Variants in CACNA1B observed in about 807,000 individuals in gnomAD.
CACNA1B encodes the protein voltage-dependent N-type calcium channel subunit alpha-1B.
A neutral mutation model predicts 247.2 loss-of-function variants in CACNA1B; 70 were observed. The ratio of observed to expected loss-of-function variants is 0.28; its 90% CI spans 0.23 to 0.35. CACNA1B has a LOEUF of 0.35. Ranked by LOEUF, CACNA1B falls within the 10% of genes least tolerant of loss-of-function variation. CACNA1B has a pLI of 1.00. For synonymous variants in CACNA1B, 1,231 were observed against 1,294.4 expected (o/e 0.95, Z 1.05); for missense variants, 2,367 against 3,197.4 (o/e 0.74, Z 6.26).
rs116170058 is a variant in CACNA1B at position 138,105,730 on chromosome 9, A to G, written c.5351A>G (p.Asn1784Ser). Reference protein sequence around the residue: ...RLVRMNMPISNEDMTVHFTST... With the variant: ...RLVRMNMPISSEDMTVHFTST... ...GTTCGCATGAACATGCCCATCTCCA[A>G]CGAGGACATGACTGTTCACTTCACG... The change falls in exon 39 of 47, where the codon AAC becomes AGC. Residue 1784 changes from asparagine (N) to serine (S), a missense_variant. Asn to Ser is a conservative substitution (Grantham distance 46). Around this residue, in one of 12 missense-constraint regions of CACNA1B, gnomAD observed 773 missense variants for 779.4 expected, o/e 0.99. Transcript: ENST00000371372. 79 of 1,564,192 alleles carry G rather than the reference A, an allele frequency of 5.1e-5. No individual in the cohort carries two copies. The highest frequency in any genetic ancestry group is 6.2e-5 in the Non-Finnish European group (72 of 1,155,112).
chr9:138,113,152 C>T (rs540820398), intron 40 of CACNA1B, among the ~76,000 whole-genome samples: 101 of 144,174 alleles, frequency 7.0e-4, no homozygotes, highest in Non-Finnish European at 1.3e-3. Context: ...GGGAGGTGCC[C>T]AACTCCATCT....
chr9:138,103,117 C>G (rs1292384753), intron 38 of CACNA1B, among the ~76,000 whole-genome samples: 3 of 152,326 alleles, frequency 2.0e-5, no homozygotes, highest in Admixed American at 6.5e-5. Context: ...TTTTCTCCCT[C>G]CCTTCCTTTC....
intron 15 of CACNA1B, among the ~76,000 whole-genome samples, chr9:137,987,691 G>C (rs1030156691): frequency 6.6e-6 from 1 of 152,138 alleles, no homozygotes; most frequent in Non-Finnish European, 1.5e-5. Flanking sequence ...GGGCCCTTTC[G>C]GTCCCACTCT....
rs1958183280 is a variant in CACNA1B, at chr9:137,973,697, A to T, written c.1543+2105A>T. Among the ~76,000 whole-genome samples the T allele has an allele frequency of 6.6e-6, 1 of 152,142 alleles. No homozygotes were observed. Among genetic ancestry groups the T allele is most frequent in the Non-Finnish European group, 1.5e-5 (1 of 68,014 alleles). ...TGAACTCTGTCCCCATGCTGGCTCA[A>T]AACAGCACCAGTGCCTGCTGGTAGG... On this transcript the variant is annotated intron_variant, in intron 11 of 46. Coordinates refer to ENST00000371372, the MANE Select transcript of CACNA1B (RefSeq NM_000718.4). This position sits in a 1 kb window ranked among gnomAD's most constrained non-coding sequence, Gnocchi z 4.1.
chr9:138,043,977 G>T lies in CACNA1B; in HGVS notation c.3413+77G>T, dbSNP rs1022712755. On this transcript the variant is annotated intron_variant, in intron 21 of 46. Transcript: ENST00000371372. ...ATGACCCGTGGGATCTCAGTAGCCAGCGTGCACTGATTCTGCGCACTTATG... is the reference window on the plus strand; with the variant it reads ...ATGACCCGTGGGATCTCAGTAGCCATCGTGCACTGATTCTGCGCACTTATG... 5.2e-5 allele frequency: 80 copies of T among 1,530,776 alleles called. 1 individual carries two copies. Among genetic ancestry groups the T allele is most frequent in the African/African-American group, 3.2e-5 (2 of 62,460 alleles). 94.8% of individuals were successfully genotyped at this position (1,530,776 alleles called of 1,614,324 possible).
intron 18 of CACNA1B, among the ~76,000 whole-genome samples, chr9:138,015,672 G>A (rs2133427174): frequency 6.6e-6 from 1 of 152,354 alleles, no homozygotes; most frequent in Non-Finnish European, 1.5e-5. Flanking sequence ...GTGTTTGAGA[G>A]GTTCTCAGTG....
intron 36 of CACNA1B, among the ~76,000 whole-genome samples, chr9:138,081,772 A>G (rs569180063): frequency 6.6e-6 from 1 of 151,346 alleles, no homozygotes; most frequent in East Asian, 2.0e-4. Flanking sequence ...AGCTTTTGAA[A>G]TGGACAAATT....
Position 138,058,051 on chromosome 9 carries a change from T to G in CACNA1B, c.4109T>G (p.Val1370Gly). 1 of 1,613,410 alleles carries G rather than the reference T, an allele frequency of 6.2e-7. No homozygotes were observed. Among genetic ancestry groups the G allele is most frequent in the Non-Finnish European group, 8.5e-7 (1 of 1,179,314 alleles). Residue 1370 changes from valine to glycine, a missense_variant and splice_region_variant, in exon 28 of 47, where the codon GTG (valine) becomes GGG (glycine). Coordinates refer to ENST00000371372, the MANE Select transcript of CACNA1B (RefSeq NM_000718.4). This position sits in a 1 kb window ranked among gnomAD's most constrained non-coding sequence, Gnocchi z 4.7. Reference sequence around the variant, plus strand: ...CACTTGCTCTCCTCTTTGCCCAGGGTGCTGAAACACTCCGTGGATGCCACC... The same window carrying G: ...CACTTGCTCTCCTCTTTGCCCAGGGGGCTGAAACACTCCGTGGATGCCACC... ...TVSTGEGWPM[V>G]LKHSVDATYE...
chr9:138,116,148 G>A (rs1961860998), intron 42 of CACNA1B, among the ~76,000 whole-genome samples: 2 of 152,194 alleles, frequency 1.3e-5, no homozygotes, highest in Non-Finnish European at 2.9e-5. Context: ...CGTGCCAGCA[G>A]ACGCTGAGAT....
intron 18 of CACNA1B, among the ~76,000 whole-genome samples, chr9:138,016,143 C>T (rs2133427839): frequency 6.6e-6 from 1 of 152,284 alleles, no homozygotes; most frequent in Non-Finnish European, 1.5e-5. Flanking sequence ...CAATCACATA[C>T]ACACATAATC....
In CACNA1B at chr9:138,121,371, A is replaced by G. The variant is rs76155659; in HGVS notation, c.6490-98A>G. On this transcript the variant is annotated intron_variant, in intron 46 of 46. Coordinates refer to ENST00000371372, the MANE Select transcript of CACNA1B (RefSeq NM_000718.4). This position sits in a 1 kb window ranked among gnomAD's most constrained non-coding sequence, Gnocchi z 6.8. ...CCCCATTGCCTCCCTCTCTCCTCCC[A>G]TCCCCCCAGGCACCTGTGTGTGATG... is the stretch of plus-strand genomic sequence containing the variant. The G allele has an allele frequency of 7.7e-5, 71 of 927,314 alleles. No individual in the cohort carries two copies. Among genetic ancestry groups the G allele is most frequent in the Non-Finnish European group, 1.0e-4 (68 of 650,764 alleles). 57.4% of individuals were successfully genotyped at this position (927,314 alleles called of 1,614,324 possible).
chr9:138,095,634 A>G (rs980399472), intron 36 of CACNA1B, among the ~76,000 whole-genome samples: 3 of 152,228 alleles, frequency 2.0e-5, no homozygotes, highest in African/African-American at 4.8e-5. Context: ...CCCAAGAGAA[A>G]TGAAAAGATG....
At position 138,057,284 on chromosome 9, in the gene CACNA1B, C is replaced by CTT; in HGVS notation, c.3969-447_3969-446dup. Among the ~76,000 whole-genome samples, 2 of 152,178 alleles carry CTT rather than the reference C, an allele frequency of 1.3e-5. No individual in the cohort carries two copies. The highest frequency in any genetic ancestry group is 2.9e-5 in the Non-Finnish European group (2 of 68,034). ...ATTTACATATTCTAAATACAACTCC[C>CTT]TTATCAGACAGAGGATTAGGAAATA... On this transcript the variant is annotated intron_variant, in intron 26 of 46. Transcript: ENST00000371372. The surrounding 1 kb of genome is among the most constrained non-coding windows in gnomAD (Gnocchi z 4.0).
intron 32 of CACNA1B, among the ~76,000 whole-genome samples, chr9:138,070,980 G>A (rs1240674000): frequency 1.3e-5 from 2 of 152,236 alleles, no homozygotes; most frequent in African/African-American, 2.4e-5. Flanking sequence ...GCTGACACTC[G>A]GGACAAGCCC....
rs1365784020 is a variant in CACNA1B, at chr9:138,057,005, G to A, written c.3969-727G>A. On this transcript the variant is annotated intron_variant, in intron 26 of 46. Transcript: ENST00000371372. The surrounding 1 kb of genome is among the most constrained non-coding windows in gnomAD (Gnocchi z 4.0). Reference sequence around the variant, plus strand: ...GGCTGGAGTGCAGTGGCGCGATCTCGGCTCACTGCAGGCTCCACCTCCCGG... The same window carrying A: ...GGCTGGAGTGCAGTGGCGCGATCTCAGCTCACTGCAGGCTCCACCTCCCGG... 3.6e-5 allele frequency among the ~76,000 whole-genome samples: 5 copies of A among 137,468 alleles called. No individual in the cohort carries two copies. The highest frequency in any genetic ancestry group is 5.9e-5 in the African/African-American group (2 of 33,716). 90.2% of individuals were successfully genotyped at this position (137,468 alleles called of 152,430 possible).
rs897264812 is a variant in CACNA1B, at chr9:138,063,707, A to G, written c.4668+3970A>G. Among the ~76,000 whole-genome samples the G allele has an allele frequency of 2.0e-5, 3 of 152,196 alleles. No homozygotes were observed. In the East Asian group the frequency reaches 5.8e-4, roughly 29 times the overall value. Reference sequence around the variant, plus strand: ...CTATTAAAGATACCAAATCTCCCACAGCAGTGGGTACTGAGCCTGGGTTAT... The same window carrying G: ...CTATTAAAGATACCAAATCTCCCACGGCAGTGGGTACTGAGCCTGGGTTAT... On this transcript the variant is annotated intron_variant, in intron 31 of 46. Transcript: ENST00000371372.
In CACNA1B at chr9:137,950,810, C is replaced by T. The variant is rs1185751133; in HGVS notation, c.967-1464C>T. 6.6e-6 allele frequency among the ~76,000 whole-genome samples: 1 copy of T among 152,238 alleles called. No individual in the cohort carries two copies. Among genetic ancestry groups the T allele is most frequent in the East Asian group, 1.9e-4 (1 of 5,198 alleles). On this transcript the variant is annotated intron_variant, in intron 6 of 46. Coordinates refer to ENST00000371372, the MANE Select transcript of CACNA1B (RefSeq NM_000718.4). The surrounding 1 kb of genome is among the most constrained non-coding windows in gnomAD (Gnocchi z 4.8). ...GGTCCTAGCTAGTCTGCTCTATTTTCTCCATCTTTCAGAGTCATTCTATAT... is the reference window on the plus strand; with the variant it reads ...GGTCCTAGCTAGTCTGCTCTATTTTTTCCATCTTTCAGAGTCATTCTATAT...
chr9:137,984,813 C>A (rs1958337593), intron 13 of CACNA1B, among the ~76,000 whole-genome samples: 1 of 152,248 alleles, frequency 6.6e-6, no homozygotes, highest in African/African-American at 2.4e-5. Flanking sequence ...CCACTTGACT[C>A]TGGAAGTGAG....
intron 20 of CACNA1B, among the ~76,000 whole-genome samples, chr9:138,025,554 C>G (rs1958911006): frequency 6.6e-6 from 1 of 152,200 alleles, no homozygotes; most frequent in Admixed American, 6.5e-5. Context: ...CTGTCCACGG[C>G]CTTGACTGGG....
Sources: allele counts gnomAD v4.1 joint callset (sites outside exome capture counted in the v4.1 genomes callset), GRCh38; gene constraint gnomAD v4.1.1; regional missense constraint gnomAD v4.1.1; non-coding constraint Gnocchi (gnomAD v3.1); transcripts MANE v1.5; gene names NCBI Gene and HGNC (gene_info 2026-07-23, HGNC 2026-07-21).